The following CXCL5 variants were observed in gnomAD, a reference collection of about 807,000 sequenced individuals.
The protein encoded by CXCL5 is C-X-C motif chemokine ligand 5, also known as C-X-C motif chemokine 5.
CXCL5 carries 13 observed loss-of-function variants against 12.1 expected under a neutral mutation model. The ratio of observed to expected loss-of-function variants is 1.08; its 90% confidence interval spans 0.70 to 1.71. The LOEUF (loss-of-function observed/expected upper bound fraction) is 1.71. Among genes scored for constraint, CXCL5 ranks in the 40% most tolerant of loss-of-function variants. CXCL5 has a pLI of 0.00. For synonymous variants in CXCL5, 67 were observed against 59.0 expected, an observed-to-expected ratio of 1.14 and a Z score of -0.62; for missense variants, 159 against 142.4, an observed-to-expected ratio of 1.12 and a Z score of -0.59.
At position 73,996,784 on chromosome 4, in the gene CXCL5, G is replaced by GA. The variant is rs1040128856; in HGVS notation, c.*852dup. ...TTTGCCTTTACTTTAAAAACTAAAA[G>GA]AATACATTTCTATATAAACTAGCAG... On this transcript the variant is annotated 3_prime_UTR_variant, in exon 4 of 4. Coordinates refer to ENST00000296027, the MANE Select transcript of CXCL5 (RefSeq NM_002994.5). The GA allele has an allele frequency of 2.0e-5, 3 of 152,348 alleles. No individual in the cohort carries two copies. The highest frequency in any genetic ancestry group is 7.3e-5 in the African/African-American group (3 of 41,374). The allele number at this position is 152,348 out of a possible 1,614,324, so 9.4% of individuals were successfully genotyped here.
In CXCL5 at chr4:73,997,200, A is replaced by G. The variant is rs1719212620; in HGVS notation, c.*437T>C. 1 of 157,292 alleles carries G rather than the reference A, an allele frequency of 6.4e-6. No homozygotes were observed. Among genetic ancestry groups the G allele is most frequent in the South Asian group, 2.0e-4 (1 of 4,888 alleles). 9.7% of individuals were successfully genotyped at this position (157,292 alleles called of 1,614,324 possible). A position where few individuals can be genotyped will look rare whatever the true frequency, so the allele number is the denominator to read the frequency against. On this transcript the variant is annotated 3_prime_UTR_variant, in exon 4 of 4. Transcript: ENST00000296027. ...AAAGTGAAGATAACAGTGTATTTCC[A>G]TCAACAGAATTCTTATGAAACATCA...
At position 73,997,423 on chromosome 4, in the gene CXCL5, C is replaced by T; in HGVS notation, c.*214G>A. ...AATAGCAGAGGTACTATGCTAAACA[C>T]TTCATTAGCTGAGCTGAAAGCTTAA... On this transcript the variant is annotated 3_prime_UTR_variant, in exon 4 of 4. Transcript: ENST00000296027. 1 of 557,922 alleles carries T rather than the reference C, an allele frequency of 1.8e-6. No individual in the cohort carries two copies. Among genetic ancestry groups the T allele is most frequent in the Non-Finnish European group, 3.1e-6 (1 of 319,456 alleles). 34.6% of individuals were successfully genotyped at this position (557,922 alleles called of 1,614,324 possible). A position where few individuals can be genotyped will look rare whatever the true frequency, so the allele number is the denominator to read the frequency against.
Position 73,998,322 on chromosome 4 carries a change from A to T in CXCL5, c.126T>A (p.Ala42=). The change falls in exon 2 of 4, where the codon GCT becomes GCA. Residue 42 remains alanine (A), a synonymous_variant. Coordinates refer to ENST00000296027, the MANE Select transcript of CXCL5 (RefSeq NM_002994.5). ...GPIASAGPAA[A]VLRELRCVCL... Reference sequence around the variant, plus strand: ...AAACGCAACGCAGCTCTCTCAACACAGCAGCGGCAGGACCAGCTGGGGAAG... The same window carrying T: ...AAACGCAACGCAGCTCTCTCAACACTGCAGCGGCAGGACCAGCTGGGGAAG... The T allele has an allele frequency of 6.2e-7, 1 of 1,614,200 alleles. No homozygotes were observed. The highest frequency in any genetic ancestry group is 8.5e-7 in the Non-Finnish European group (1 of 1,180,030).
chr4:73,997,951 G>C, intron 3 of CXCL5, 61 bp downstream of exon 3: 1 of 1,320,442 alleles, frequency 7.6e-7, no homozygotes, highest in Non-Finnish European at 1.1e-6. Context: ...TAAAGACCTT[G>C]TGAAGTCTAT....
rs1320631989 is a variant in CXCL5 at position 73,998,561 on chromosome 4, G to C, written c.21C>G (p.Arg7=). The C allele has an allele frequency of 6.3e-7, 1 of 1,589,832 alleles. No individual in the cohort carries two copies. The highest frequency in any genetic ancestry group is 8.6e-7 in the Non-Finnish European group (1 of 1,168,126). The change falls in exon 1 of 4, where the codon CGC becomes CGG. Residue 7 remains arginine (R), a synonymous_variant. Coordinates refer to ENST00000296027, the MANE Select transcript of CXCL5 (RefSeq NM_002994.5). ...TCGAAGGACCGGGGACACGGGCCGCGCGGCTGGACAGGAGGCTCATAGTGG... is the reference window on the plus strand; with the variant it reads ...TCGAAGGACCGGGGACACGGGCCGCCCGGCTGGACAGGAGGCTCATAGTGG... MSLLSS[R]AARVPGPSSS...
In CXCL5 at chr4:73,998,600, G is replaced by C. The variant is rs1719256257; in HGVS notation, c.-19C>G. ...GGCTCATAGTGGTCAAGAGAGCGCT[G>C]CGAGCGGTCGCGGGTTCCTGAACTG... On this transcript the variant is annotated 5_prime_UTR_variant, in exon 1 of 4. Transcript: ENST00000296027. The C allele has an allele frequency of 6.4e-7, 1 of 1,560,100 alleles. No individual in the cohort carries two copies. Among genetic ancestry groups the C allele is most frequent in the Non-Finnish European group, 8.7e-7 (1 of 1,151,146 alleles).
Position 73,998,077 on chromosome 4 carries a change from C to G in CXCL5, c.261G>C (p.Gly87=), listed in dbSNP as rs774823743. 1 of 1,614,034 alleles carries G rather than the reference C, an allele frequency of 6.2e-7. No homozygotes were observed. Among genetic ancestry groups the G allele is most frequent in the Non-Finnish European group, 8.5e-7 (1 of 1,180,028 alleles). ...KVEVVASLKN[G]KEICLDPEAP... is the part of the protein sequence containing the mutation. ...CTTCTGGATCAAGACAAATTTCCTT[C>G]CCGTTCTTCAGGGAGGCTCTGAAGG... The change falls in exon 3 of 4, where the codon GGG becomes GGC. Residue 87 remains glycine, a synonymous_variant. Transcript: ENST00000296027.
intron 2 of CXCL5, 52 bp downstream of exon 2, chr4:73,998,154 C>A: frequency 6.2e-7 from 1 of 1,613,846 alleles, no homozygotes; most frequent in Non-Finnish European, 8.5e-7. Flanking sequence ...ACCCAGGCTG[C>A]GGGATTTCTC....
Position 73,998,597 on chromosome 4 carries a change from G to A in CXCL5, c.-16C>T, listed in dbSNP as rs201000826. On this transcript the variant is annotated 5_prime_UTR_variant, in exon 1 of 4. Coordinates refer to ENST00000296027, the MANE Select transcript of CXCL5 (RefSeq NM_002994.5). Reference sequence around the variant, plus strand: ...GGAGGCTCATAGTGGTCAAGAGAGCGCTGCGAGCGGTCGCGGGTTCCTGAA... The same window carrying A: ...GGAGGCTCATAGTGGTCAAGAGAGCACTGCGAGCGGTCGCGGGTTCCTGAA... 6.4e-7 allele frequency: 1 copy of A among 1,566,086 alleles called. No homozygotes were observed. Among genetic ancestry groups the A allele is most frequent in the Admixed American group, 1.9e-5 (1 of 52,796 alleles).
At chr4:73,997,730 G>T in intron 3 of CXCL5, 75 bp from the exon 4 acceptor site, 1 of 1,185,528 alleles carries the variant, frequency 8.4e-7, no homozygotes, top group Non-Finnish European at 1.2e-6. Flanking sequence ...AAAACTCAGC[G>T]TTTATGATGT....
chr4:73,998,089 G>A lies in CXCL5; in HGVS notation c.249C>T (p.Ser83=), dbSNP rs771818240. 2 of 1,613,778 alleles carry A rather than the reference G, an allele frequency of 1.2e-6. No homozygotes were observed. Among genetic ancestry groups the A allele is most frequent in the African/African-American group, 1.3e-5 (1 of 74,940 alleles). ...GACAAATTTCCTTCCCGTTCTTCAG[G>A]GAGGCTCTGAAGGAAAGAAAAAGAA... ...PQCSKVEVVA[S]LKNGKEICLD... Residue 83 remains serine (S), a synonymous_variant, in exon 3 of 4, where the codon TCC becomes TCT. Transcript: ENST00000296027.
chr4:73,997,882 C>T, intron 3 of CXCL5, 130 bp downstream of exon 3: 1 of 982,194 alleles, frequency 1.0e-6, no homozygotes, highest in Non-Finnish European at 1.6e-6. Flanking sequence ...AAAAACTTTC[C>T]CAATTCAACA....
chr4:73,998,674 C>G lies in CXCL5; in HGVS notation c.-93G>C. ...AGCGAAGATTGGAGGATCCGGAGCA[C>G]TGTGGCTTCCTCGTGCCTTCTGCAC... is the stretch of plus-strand genomic sequence containing the variant. On this transcript the variant is annotated 5_prime_UTR_variant, in exon 1 of 4. Coordinates refer to ENST00000296027, the MANE Select transcript of CXCL5 (RefSeq NM_002994.5). The G allele has an allele frequency of 9.2e-7, 1 of 1,091,640 alleles. No individual in the cohort carries two copies. Among genetic ancestry groups the G allele is most frequent in the Non-Finnish European group, 1.4e-6 (1 of 735,596 alleles). The allele number at this position is 1,091,640 out of a possible 1,614,324, so 67.6% of individuals were successfully genotyped here.
chr4:73,998,554 G>T lies in CXCL5; in HGVS notation c.28C>A (p.Arg10Ser). MSLLSSRAA[R>S]VPGPSSSLCA... The stretch of plus-strand genomic sequence containing the variant: ...AAGGAGCTCGAAGGACCGGGGACAC[G>T]GGCCGCGCGGCTGGACAGGAGGCTC... Residue 10 changes from arginine (R) to serine (S), a missense_variant, in exon 1 of 4, where the codon CGT (arginine) becomes AGT (serine). By Grantham distance (110) the Arg-to-Ser change is moderately radical. Coordinates refer to ENST00000296027, the MANE Select transcript of CXCL5 (RefSeq NM_002994.5). 1 of 1,591,444 alleles carries T rather than the reference G, an allele frequency of 6.3e-7. No individual in the cohort carries two copies.
intron 2 of CXCL5, 36 bp downstream of exon 2, chr4:73,998,170 C>T (rs1213150365): frequency 6.2e-7 from 1 of 1,613,934 alleles, no homozygotes; most frequent in East Asian, 2.2e-5. Context: ...TTCTCTCTTG[C>T]CAAGGTCACA....
rs1170714226 is a variant in CXCL5 at position 73,998,473 on chromosome 4, C to T, written c.109G>A (p.Ala37Thr). The change falls in exon 1 of 4, where the codon GCT becomes ACT. Residue 37 changes from alanine to threonine, a missense_variant and splice_region_variant. Transcript: ENST00000296027. ...LLTQPGPIAS[A>T]GPAAAVLREL... ...CGTCCCGCGCGCCATGCGCTCTCAC[C>T]GCTGGCGATGGGCCCTGGCTGCGTC... is the stretch of plus-strand genomic sequence containing the variant. 1.2e-6 allele frequency: 2 copies of T among 1,604,130 alleles called. No homozygotes were observed. The highest frequency in any genetic ancestry group is 2.7e-5 in the African/African-American group (2 of 74,742).
chr4:73,998,559 G>A lies in CXCL5; in HGVS notation c.23C>T (p.Ala8Val). The change falls in exon 1 of 4, where the codon GCG (alanine) becomes GTG (valine). Residue 8 changes from alanine (A) to valine (V), a missense_variant. By Grantham distance (64) the Ala-to-Val change is moderately conservative. Coordinates refer to ENST00000296027, the MANE Select transcript of CXCL5 (RefSeq NM_002994.5). MSLLSSR[A>V]ARVPGPSSSL... is the part of the protein sequence containing the mutation. Reference sequence around the variant, plus strand: ...GCTCGAAGGACCGGGGACACGGGCCGCGCGGCTGGACAGGAGGCTCATAGT... The same window carrying A: ...GCTCGAAGGACCGGGGACACGGGCCACGCGGCTGGACAGGAGGCTCATAGT... 3.1e-6 allele frequency: 5 copies of A among 1,590,206 alleles called. No individual in the cohort carries two copies. Among genetic ancestry groups the A allele is most frequent in the Admixed American group, 1.8e-5 (1 of 56,166 alleles).
chr4:73,997,699 C>T (rs1174323127), intron 3 of CXCL5, 44 bp from the exon 4 acceptor site: 7 of 1,442,360 alleles, frequency 4.9e-6, no homozygotes, highest in Non-Finnish European at 6.8e-6. Context: ...TTTTCACACT[C>T]CTTTCTACTC....
chr4:73,997,543 T>C lies in CXCL5; in HGVS notation c.*94A>G. 1.1e-6 allele frequency: 1 copy of C among 929,196 alleles called. No homozygotes were observed. 57.6% of individuals were successfully genotyped at this position (929,196 alleles called of 1,614,324 possible). A position where few individuals can be genotyped will look rare whatever the true frequency, so the allele number is the denominator to read the frequency against. On this transcript the variant is annotated 3_prime_UTR_variant, in exon 4 of 4. Coordinates refer to ENST00000296027, the MANE Select transcript of CXCL5 (RefSeq NM_002994.5). Reference sequence around the variant, plus strand: ...AACAAATAAACAAACAACAACAAAATCTTTCCTTCTTGTCTTCCCTGGGTT... The same window carrying C: ...AACAAATAAACAAACAACAACAAAACCTTTCCTTCTTGTCTTCCCTGGGTT...
Sources: gnomAD v4.1 joint callset for allele counts on GRCh38, gnomAD v4.1.1 for gene constraint, MANE v1.5 for transcripts, NCBI Gene and HGNC (gene_info 2026-07-23, HGNC 2026-07-21) for gene names.